Variants in THSD4 observed in about 807,000 individuals in gnomAD.
The protein encoded by THSD4 is thrombospondin type 1 domain containing 4, also known as thrombospondin type-1 domain-containing protein 4.
In THSD4, 69 loss-of-function variants were observed where a neutral mutation model predicts 119.0. That is an observed-to-expected ratio of 0.58 (90% CI 0.48 to 0.71). The LOEUF is 0.71. Among genes scored for constraint, THSD4 ranks in the 30% least tolerant of loss-of-function variants. The probability of loss-of-function intolerance (pLI) is 0.00; values close to 1 mark genes in which losing one functional copy is unlikely to be tolerated. For missense variants in THSD4, 1,393 were observed against 1,391.1 expected, an observed-to-expected ratio of 1.00 and a Z score of -0.02; for synonymous variants, 524 against 540.4, an observed-to-expected ratio of 0.97 and a Z score of 0.42.
intron 7 of THSD4, among the ~76,000 whole-genome samples, chr15:71,532,785 A>T (rs187101280): frequency 6.6e-6 from 1 of 152,292 alleles, no homozygotes; most frequent in African/African-American, 2.4e-5. Flanking sequence ...TCTCTGTTCT[A>T]TTCGAAGCAG....
At chr15:71,628,940 G>A (rs1017077551) in intron 7 of THSD4, among the ~76,000 whole-genome samples, 1 of 152,196 alleles carries the variant, frequency 6.6e-6, no homozygotes, top group Non-Finnish European at 1.5e-5. Context: ...TTTATTGAGT[G>A]CCTATGGTGA....
chr15:71,684,496 G>T (rs1018248203), intron 8 of THSD4, among the ~76,000 whole-genome samples: 3 of 149,400 alleles, frequency 2.0e-5, no homozygotes, highest in Admixed American at 2.0e-4. Flanking sequence ...GGGTAAGAAA[G>T]TCTATTTCTA....
intron 8 of THSD4, among the ~76,000 whole-genome samples, chr15:71,714,437 T>G (rs947928784): frequency 6.6e-6 from 1 of 152,226 alleles, no homozygotes; most frequent in Admixed American, 6.5e-5. Context: ...GATAGGTTAA[T>G]GGATAAGCTT....
At chr15:71,513,614 A>C (rs2048313533) in intron 7 of THSD4, among the ~76,000 whole-genome samples, 1 of 152,200 alleles carries the variant, frequency 6.6e-6, no homozygotes, top group East Asian at 1.9e-4. Context: ...AAACACTCAC[A>C]CATTGCTGAT....
chr15:71,343,925 G>T (rs2045616393), intron 6 of THSD4, among the ~76,000 whole-genome samples: 1 of 151,496 alleles, frequency 6.6e-6, no homozygotes, highest in Non-Finnish European at 1.5e-5. Flanking sequence ...TGTCGCCTGG[G>T]CTGGTCTTAA....
At chr15:71,135,717 A>G (rs142591290) in intron 1 of THSD4, among the ~76,000 whole-genome samples, 4 of 152,128 alleles carry the variant, frequency 2.6e-5, no homozygotes, top group East Asian at 1.9e-4. Flanking sequence ...TCTTTCTCCA[A>G]TGTACTGAGT....
At chr15:71,776,616 G>T (rs2053917615) in intron 17 of THSD4, among the ~76,000 whole-genome samples, 1 of 152,002 alleles carries the variant, frequency 6.6e-6, no homozygotes, top group East Asian at 1.9e-4. Flanking sequence ...AGCAAAGTTG[G>T]ATATACCTTA....
At chr15:71,614,679 G>A (rs184063179) in intron 7 of THSD4, among the ~76,000 whole-genome samples, 1 of 152,352 alleles carries the variant, frequency 6.6e-6, no homozygotes, top group Non-Finnish European at 1.5e-5. Context: ...TATAGGAAGA[G>A]AATGAGAGGT....
chr15:71,464,715 A>T (rs1231036065), intron 7 of THSD4, among the ~76,000 whole-genome samples: 1 of 152,076 alleles, frequency 6.6e-6, no homozygotes, highest in Non-Finnish European at 1.5e-5. Context: ...CTAATCAGAA[A>T]TTCCTCTGCC....
chr15:71,581,133 G>C (rs1287474257), intron 7 of THSD4, among the ~76,000 whole-genome samples: 1 of 152,088 alleles, frequency 6.6e-6, no homozygotes, highest in African/African-American at 2.4e-5. Context: ...TGAAGAGCCT[G>C]TATACTGTTT....
chr15:71,498,659 G>C (rs111390980), intron 7 of THSD4, among the ~76,000 whole-genome samples: 8 of 151,952 alleles, frequency 5.3e-5, no homozygotes, highest in Non-Finnish European at 1.2e-4. Flanking sequence ...TCTGCCTTTT[G>C]CATGGATCCT....
At chr15:71,231,624 G>A (rs779256855) in intron 4 of THSD4, among the ~76,000 whole-genome samples, 21 of 152,118 alleles carry the variant, frequency 1.4e-4, no homozygotes, top group Non-Finnish European at 1.6e-4. Context: ...TAAAGGCTCA[G>A]AGCAAACCTG....
intron 2 of THSD4, among the ~76,000 whole-genome samples, chr15:71,142,435 C>T (rs1320800421): frequency 1.3e-5 from 2 of 152,138 alleles, no homozygotes; most frequent in African/African-American, 4.8e-5. Context: ...ATTCTTCAAT[C>T]AAAATCCTAT....
intron 6 of THSD4, among the ~76,000 whole-genome samples, chr15:71,304,596 C>T (rs183067447): frequency 6.6e-6 from 1 of 152,116 alleles, no homozygotes; most frequent in African/African-American, 2.4e-5. Flanking sequence ...CGGTATTTCC[C>T]CCAGGGGAAA....
At chr15:71,331,176 G>A (rs1486348539) in intron 6 of THSD4, among the ~76,000 whole-genome samples, 1 of 152,218 alleles carries the variant, frequency 6.6e-6, no homozygotes, top group Non-Finnish European at 1.5e-5. Flanking sequence ...CAGCCACCTA[G>A]GTACAGATGG....
intron 14 of THSD4, 115 bp downstream of exon 14, chr15:71,748,709 GAA>G: frequency 7.9e-7 from 1 of 1,266,010 alleles, no homozygotes; most frequent in Non-Finnish European, 1.1e-6. Flanking sequence ...GCTCTGGGGG[GAA>G]AAAAAAGGCC....
chr15:71,172,704 T>TATATGTCAC, intron 3 of THSD4, among the ~76,000 whole-genome samples: 1 of 107,732 alleles, frequency 9.3e-6, no homozygotes, highest in African/African-American at 4.6e-5. Context: ...TATATATATA[T>TATATGTCAC]ATATATATAT....
At chr15:71,442,151 G>A (rs1205939424) in intron 7 of THSD4, among the ~76,000 whole-genome samples, 1 of 151,928 alleles carries the variant, frequency 6.6e-6, no homozygotes, top group Non-Finnish European at 1.5e-5. Flanking sequence ...GCAGAGATGG[G>A]GTTTCACTGT....
chr15:71,162,616 G>A (rs1174618514), intron 3 of THSD4, among the ~76,000 whole-genome samples: 1 of 151,960 alleles, frequency 6.6e-6, no homozygotes, highest in Non-Finnish European at 1.5e-5. Context: ...GAGGTTTTTT[G>A]GGGGTTGTAT....
Sources: gnomAD v4.1 joint callset for allele counts (sites outside exome capture counted in the v4.1 genomes callset) on GRCh38, gnomAD v4.1.1 for gene constraint, MANE v1.5 for transcripts, NCBI Gene and HGNC (gene_info 2026-07-23, HGNC 2026-07-21) for gene names.